The following PTPRG variants were observed in gnomAD, a reference collection of about 807,000 sequenced individuals.
The protein encoded by PTPRG is protein tyrosine phosphatase receptor type G.
In PTPRG, 102 loss-of-function variants were observed where a neutral mutation model predicts 165.3. The ratio of observed to expected loss-of-function variants is 0.62; its 90% CI spans 0.53 to 0.73. PTPRG has a LOEUF of 0.73. Ranked by LOEUF, PTPRG falls within the 30% of genes least tolerant of loss-of-function variation. The pLI, the probability that PTPRG is intolerant of heterozygous loss-of-function variation, is 0.00. For synonymous variants in PTPRG, 675 were observed against 669.5 expected (o/e 1.01, Z -0.13); for missense variants, 1,866 against 1,861.4 (o/e 1.00, Z -0.05).
chr3:62,041,827 TGTG>T (rs968367339), intron 4 of PTPRG, among the ~76,000 whole-genome samples: 3 of 152,192 alleles, frequency 2.0e-5, no homozygotes, highest in African/African-American at 7.2e-5. Flanking sequence ...TGGGGGTGGT[TGTG>T]GTGATGATAG....
chr3:61,613,394 G>A (rs2106878159), intron 1 of PTPRG, among the ~76,000 whole-genome samples: 1 of 152,276 alleles, frequency 6.6e-6, no homozygotes, highest in African/African-American at 2.4e-5. Context: ...GGCTCAATCA[G>A]CTCTTTGAAG....
chr3:62,216,540 C>A (rs977043958), intron 12 of PTPRG, among the ~76,000 whole-genome samples: 3 of 151,324 alleles, frequency 2.0e-5, no homozygotes, highest in African/African-American at 7.3e-5. Context: ...TTTGAGATTC[C>A]CCCCCCTCCC....
intron 3 of PTPRG, among the ~76,000 whole-genome samples, chr3:61,997,060 A>G (rs9832665): frequency 0.14 from 20,781 of 152,170 alleles, 2,075 homozygotes; most frequent in African/African-American, 0.28. Context: ...TTATATGGTT[A>G]AAAGTGTTAA....
intron 2 of PTPRG, among the ~76,000 whole-genome samples, chr3:61,760,753 C>T (rs1430945180): frequency 6.6e-6 from 1 of 152,148 alleles, no homozygotes; most frequent in Non-Finnish European, 1.5e-5. Context: ...TGATGCTCTC[C>T]CTCGCCCCTC....
At chr3:61,757,738 T>A (rs1008240717) in intron 2 of PTPRG, among the ~76,000 whole-genome samples, 1 of 152,216 alleles carries the variant, frequency 6.6e-6, no homozygotes, top group Non-Finnish European at 1.5e-5. Context: ...ATACAGAAGT[T>A]GTATATAAAT....
chr3:62,188,628 C>T (rs559967344), intron 8 of PTPRG, among the ~76,000 whole-genome samples: 2 of 152,160 alleles, frequency 1.3e-5, no homozygotes, highest in Non-Finnish European at 2.9e-5. Flanking sequence ...CACAGAAAAA[C>T]CCATCTATTT....
At chr3:61,984,012 A>G (rs994463987) in intron 2 of PTPRG, among the ~76,000 whole-genome samples, 1 of 152,182 alleles carries the variant, frequency 6.6e-6, no homozygotes, top group African/African-American at 2.4e-5. Flanking sequence ...GAAGTCTCAG[A>G]TTCAAGCCCA....
intron 2 of PTPRG, among the ~76,000 whole-genome samples, chr3:61,951,785 T>C (rs1422946140): frequency 6.6e-6 from 1 of 152,194 alleles, no homozygotes; most frequent in African/African-American, 2.4e-5. Flanking sequence ...AGTGCTCTTT[T>C]CTGACTGGTA....
At chr3:61,675,614 G>C (rs185916230) in intron 1 of PTPRG, among the ~76,000 whole-genome samples, 1 of 152,196 alleles carries the variant, frequency 6.6e-6, no homozygotes, top group East Asian at 1.9e-4. Flanking sequence ...CTAGGCAGTT[G>C]TATGTCTTTT....
At chr3:62,108,533 G>C (rs926710960) in intron 5 of PTPRG, among the ~76,000 whole-genome samples, 3 of 152,196 alleles carry the variant, frequency 2.0e-5, no homozygotes, top group Admixed American at 2.0e-4. Flanking sequence ...ATTGTAGAAT[G>C]ATTTATAATC....
chr3:62,017,562 C>A (rs972601240), intron 4 of PTPRG, among the ~76,000 whole-genome samples: 2 of 150,802 alleles, frequency 1.3e-5, no homozygotes, highest in African/African-American at 4.9e-5. Flanking sequence ...ACTACAGGCG[C>A]CCACCACCGC....
intron 1 of PTPRG, among the ~76,000 whole-genome samples, chr3:61,601,960 A>G (rs1006111634): frequency 1.3e-5 from 2 of 152,316 alleles, no homozygotes; most frequent in Non-Finnish European, 1.5e-5. Flanking sequence ...CCTTACAACA[A>G]CGCTGTTAGA....
rs1553660809 is a variant in PTPRG, at chr3:61,752,797, A to AAAAAAAAAG, written c.190+3819_190+3820insAAAAGAAAA. On this transcript the variant is annotated intron_variant, in intron 2 of 29. Transcript: ENST00000474889. ...AGCAAGACTGTCTCAAAAAAAAAAA[A>AAAAAAAAAG]AAAAGAAAAAAAAAAAGAAAATATT... Among the ~76,000 whole-genome samples, 5 of 104,056 alleles carry AAAAAAAAAG rather than the reference A, an allele frequency of 4.8e-5. No homozygotes were observed. In the South Asian group the frequency reaches 8.8e-4, roughly 18 times the overall value. The allele number at this position is 104,056 out of a possible 152,430, so 68.3% of individuals were successfully genotyped here.
intron 1 of PTPRG, among the ~76,000 whole-genome samples, chr3:61,735,488 T>C (rs550821968): frequency 1.3e-5 from 2 of 151,608 alleles, no homozygotes; most frequent in East Asian, 1.9e-4. Context: ...ACTAGCAACA[T>C]TAAAGTGGTT....
chr3:61,598,046 A>G (rs529515339), intron 1 of PTPRG, among the ~76,000 whole-genome samples: 1 of 152,252 alleles, frequency 6.6e-6, no homozygotes, highest in African/African-American at 2.4e-5. Flanking sequence ...ATGAATAGAA[A>G]TTTTGAACAT....
chr3:61,748,747 T>G, intron 1 of PTPRG, 131 bp from the exon 2 acceptor site: 1 of 584,586 alleles, frequency 1.7e-6, no homozygotes, highest in East Asian at 3.2e-5. Flanking sequence ...TTTTGTAAAA[T>G]AAGTTGGTTC....
chr3:62,115,640 CTT>C (rs74266091), intron 5 of PTPRG, among the ~76,000 whole-genome samples: 33 of 141,850 alleles, frequency 2.3e-4, no homozygotes, highest in Non-Finnish European at 2.0e-4. Flanking sequence ...AAGGCACATT[CTT>C]TTTTTTTTTT....
chr3:61,945,560 C>CAAAAAAAAAAAAAAAAAAA (rs71123242), intron 2 of PTPRG, among the ~76,000 whole-genome samples: 9 of 55,460 alleles, frequency 1.6e-4, no homozygotes, highest in African/African-American at 3.5e-4. Flanking sequence ...ACTCCGTCAC[C>CAAAAAAAAAAAAAAAAAAA]AAAAAAAAAA....
chr3:62,186,405 C>T (rs74777960), intron 8 of PTPRG, among the ~76,000 whole-genome samples: 1 of 151,924 alleles, frequency 6.6e-6, no homozygotes, highest in African/African-American at 2.4e-5. Flanking sequence ...CTGGGAGATG[C>T]TTGCAGCTCA....
Sources: allele counts gnomAD v4.1 joint callset (sites outside exome capture counted in the v4.1 genomes callset), GRCh38; gene constraint gnomAD v4.1.1; transcripts MANE v1.5; gene names NCBI Gene and HGNC (gene_info 2026-07-23, HGNC 2026-07-21).